SDK1: variants seen among roughly 807,000 people sequenced by gnomAD.
The protein encoded by SDK1 is protein sidekick-1.
SDK1 carries 157 observed loss-of-function variants against 245.5 expected under a neutral mutation model. The ratio of observed to expected loss-of-function variants is 0.64; its 90% CI spans 0.56 to 0.73. SDK1 has a LOEUF of 0.73. Among genes scored for constraint, SDK1 ranks in the 30% least tolerant of loss-of-function variants. The probability of loss-of-function intolerance (pLI) is 0.00; values close to 1 mark genes in which losing one functional copy is unlikely to be tolerated. For synonymous variants in SDK1, 1,647 were observed against 1,278.5 expected (o/e 1.29, Z -6.15); for missense variants, 3,583 against 3,002.3 (o/e 1.19, Z -4.52).
chr7:3,410,267 A>T (rs1468793968), intron 1 of SDK1, among the ~76,000 whole-genome samples: 2 of 151,842 alleles, frequency 1.3e-5, no homozygotes, highest in African/African-American at 4.9e-5. Context: ...CACAGTCAAA[A>T]CTTCATTTCG....
At chr7:3,732,731 G>C (rs1341235094) in intron 4 of SDK1, among the ~76,000 whole-genome samples, 1 of 152,208 alleles carries the variant, frequency 6.6e-6, no homozygotes, top group African/African-American at 2.4e-5. Context: ...GTGACAGAGA[G>C]GGTACGAAAA....
intron 4 of SDK1, among the ~76,000 whole-genome samples, chr7:3,744,704 C>T (rs565803801): frequency 3.3e-5 from 5 of 151,720 alleles, no homozygotes; most frequent in Admixed American, 1.3e-4. Context: ...CTCAGCTACT[C>T]GGGAGGCTGA....
At chr7:4,131,033 T>C (rs1367473599) in intron 27 of SDK1, among the ~76,000 whole-genome samples, 1 of 152,208 alleles carries the variant, frequency 6.6e-6, no homozygotes, top group Non-Finnish European at 1.5e-5. Flanking sequence ...CAGAAGGCTT[T>C]GTCCATCCTT....
intron 1 of SDK1, among the ~76,000 whole-genome samples, chr7:3,462,541 A>G (rs1013257179): frequency 7.2e-5 from 11 of 152,284 alleles, no homozygotes; most frequent in East Asian, 5.8e-4. Flanking sequence ...CATCACGTCT[A>G]TCTACCTGTT....
intron 5 of SDK1, among the ~76,000 whole-genome samples, chr7:3,845,012 G>A (rs533035477): frequency 5.6e-4 from 85 of 152,310 alleles, no homozygotes; most frequent in African/African-American, 1.9e-3. Flanking sequence ...TGGACTACCT[G>A]AAAAATCTAC....
In SDK1 at chr7:4,210,110, C is replaced by G. The variant is rs756771887; in HGVS notation, c.5487C>G (p.Asn1829Lys). Residue 1829 changes from asparagine to lysine, a missense_variant, in exon 38 of 45, where the codon AAC (asparagine) becomes AAG (lysine). Physicochemically the swap from Asn to Lys is moderately conservative, Grantham distance 94. Coordinates refer to ENST00000404826, the MANE Select transcript of SDK1 (RefSeq NM_152744.4). The stretch of plus-strand genomic sequence containing the variant: ...CCTGGGGCGAGCCTGCGGCGGCCAA[C>G]GGCATCCTGCAGGGCTATCGGGTGG... ...NVSWGEPAAA[N>K]GILQGYRVVY... The G allele has an allele frequency of 2.5e-6, 4 of 1,609,754 alleles. No individual in the cohort carries two copies. Among genetic ancestry groups the G allele is most frequent in the Non-Finnish European group, 3.4e-6 (4 of 1,178,318 alleles).
chr7:4,068,015 C>A, intron 20 of SDK1, 79 bp downstream of exon 20: 1 of 990,294 alleles, frequency 1.0e-6, no homozygotes, highest in Non-Finnish European at 1.5e-6. Context: ...TCAAACCAAA[C>A]TGCTGACAGC....
rs577946778 is a variant in SDK1, at chr7:4,145,946, C to T, written c.4423+30C>T. The T allele has an allele frequency of 3.6e-5, 56 of 1,565,112 alleles. 1 individual carries two copies. The highest frequency in any genetic ancestry group is 4.8e-5 in the Non-Finnish European group (55 of 1,154,072). On this transcript the variant is annotated intron_variant, in intron 29 of 44. Transcript: ENST00000404826. ...GACCTTGGGGGACCCGGGGGTACTG[C>T]AGATGTTGTGGGCACAGCTTCCTCA...
intron 1 of SDK1, among the ~76,000 whole-genome samples, chr7:3,606,372 C>T (rs189684331): frequency 6.6e-6 from 1 of 152,294 alleles, no homozygotes; most frequent in Non-Finnish European, 1.5e-5. Context: ...GCACTTGTAG[C>T]CCAGTTGCAT....
At chr7:3,439,397 TGC>T (rs372044091) in intron 1 of SDK1, among the ~76,000 whole-genome samples, 4 of 152,284 alleles carry the variant, frequency 2.6e-5, no homozygotes, top group African/African-American at 7.2e-5. Context: ...AGACTACTGT[TGC>T]GCTCCTTACA....
At chr7:4,165,100 C>T (rs1452523912) in intron 32 of SDK1, among the ~76,000 whole-genome samples, 1 of 152,012 alleles carries the variant, frequency 6.6e-6, no homozygotes, top group East Asian at 1.9e-4. Context: ...AAAATGCAAA[C>T]ACAGGGCCAG....
chr7:3,730,294 T>G (rs1779141060), intron 4 of SDK1, among the ~76,000 whole-genome samples: 1 of 152,172 alleles, frequency 6.6e-6, no homozygotes, highest in Non-Finnish European at 1.5e-5. Context: ...TGTTGTGGTT[T>G]TCATGCCTGT....
chr7:4,081,207 CTG>C (rs993774610), intron 22 of SDK1, among the ~76,000 whole-genome samples: 2 of 152,206 alleles, frequency 1.3e-5, no homozygotes, highest in Non-Finnish European at 2.9e-5. Context: ...AAAAGCTCAT[CTG>C]TGCATCCAGG....
intron 38 of SDK1, among the ~76,000 whole-genome samples, chr7:4,215,630 G>A (rs1040297646): frequency 1.3e-5 from 2 of 152,208 alleles, no homozygotes; most frequent in African/African-American, 2.4e-5. Flanking sequence ...AGGCCAGCCC[G>A]GCCAAAGGAC....
chr7:3,541,509 C>A (rs1330245680), intron 1 of SDK1, among the ~76,000 whole-genome samples: 1 of 152,312 alleles, frequency 6.6e-6, no homozygotes, highest in African/African-American at 2.4e-5. Flanking sequence ...CCTAGTTATG[C>A]TTCAGGGATG....
intron 4 of SDK1, among the ~76,000 whole-genome samples, chr7:3,782,721 G>C (rs141201443): frequency 3.9e-4 from 60 of 152,212 alleles, no homozygotes; most frequent in African/African-American, 1.4e-3. Context: ...TGTAACGCAA[G>C]GGTATCATAC....
At chr7:4,165,379 A>G (rs1241662307) in intron 32 of SDK1, among the ~76,000 whole-genome samples, 1 of 152,026 alleles carries the variant, frequency 6.6e-6, no homozygotes, top group Non-Finnish European at 1.5e-5. Context: ...AAACAAACAA[A>G]CACGGGCTGT....
chr7:3,747,717 G>T (rs1463233082), intron 4 of SDK1, among the ~76,000 whole-genome samples: 5 of 148,874 alleles, frequency 3.4e-5, no homozygotes, highest in Non-Finnish European at 5.9e-5. Flanking sequence ...GTGTGTGTGT[G>T]TATGGTGAGG....
At chr7:3,723,658 T>G (rs1333422699) in intron 4 of SDK1, among the ~76,000 whole-genome samples, 2 of 134,112 alleles carry the variant, frequency 1.5e-5, no homozygotes, top group Non-Finnish European at 3.2e-5. Context: ...TAAGTAAAAG[T>G]TGTGTGTGTG....
Sources: gnomAD v4.1 joint callset for allele counts (sites outside exome capture counted in the v4.1 genomes callset) on GRCh38, gnomAD v4.1.1 for gene constraint, MANE v1.5 for transcripts, NCBI Gene and HGNC (gene_info 2026-07-23, HGNC 2026-07-21) for gene names.